GPC6: variants seen among roughly 807,000 people sequenced by gnomAD.
The protein encoded by GPC6 is glypican-6.
In GPC6, 14 loss-of-function variants were observed where a neutral mutation model predicts 55.2. The observed-to-expected ratio is 0.25, with a 90% CI of 0.17 to 0.40. The LOEUF (loss-of-function observed/expected upper bound fraction) is 0.40. Among genes scored for constraint, GPC6 ranks in the 10% least tolerant of loss-of-function variants. The pLI, the probability that GPC6 is intolerant of heterozygous loss-of-function variation, is 1.00. For missense variants in GPC6, 641 were observed against 708.5 expected (o/e 0.90, Z 1.08); for synonymous variants, 278 against 259.6 (o/e 1.07, Z -0.68).
At chr13:94,347,328 C>T (rs969308150) in intron 6 of GPC6, among the ~76,000 whole-genome samples, 1 of 152,180 alleles carries the variant, frequency 6.6e-6, no homozygotes, top group African/African-American at 2.4e-5. Flanking sequence ...TCCAAAACCT[C>T]TGCAACTTCT....
intron 4 of GPC6, among the ~76,000 whole-genome samples, chr13:94,050,409 C>G (rs1883901237): frequency 6.6e-6 from 1 of 152,112 alleles, no homozygotes; most frequent in Non-Finnish European, 1.5e-5. Flanking sequence ...TCGTGCTTCC[C>G]ATGATACTAA....
intron 2 of GPC6, among the ~76,000 whole-genome samples, chr13:93,685,620 G>A (rs1003738205): frequency 1.3e-5 from 2 of 151,976 alleles, no homozygotes; most frequent in African/African-American, 4.8e-5. Context: ...AAATGTGGGT[G>A]GTCTTATGCC....
intron 1 of GPC6, among the ~76,000 whole-genome samples, chr13:93,487,125 T>A: frequency 6.6e-6 from 1 of 152,202 alleles, no homozygotes; most frequent in East Asian, 1.9e-4. Context: ...CCATTCTAAC[T>A]AGTGTTAAAT....
At chr13:94,231,787 A>G (rs1257511211) in intron 4 of GPC6, among the ~76,000 whole-genome samples, 1 of 152,198 alleles carries the variant, frequency 6.6e-6, no homozygotes, top group Non-Finnish European at 1.5e-5. Context: ...TTTATTTAAT[A>G]AAATAAAATA....
intron 1 of GPC6, among the ~76,000 whole-genome samples, chr13:93,365,489 C>T (rs1238427631): frequency 6.6e-6 from 1 of 152,008 alleles, no homozygotes; most frequent in African/African-American, 2.4e-5. Context: ...CATTCTTTTC[C>T]AACCTGCTTG....
At chr13:93,721,164 G>A (rs542184008) in intron 2 of GPC6, among the ~76,000 whole-genome samples, 1 of 152,074 alleles carries the variant, frequency 6.6e-6, no homozygotes, top group African/African-American at 2.4e-5. Context: ...ACAGTGGGTT[G>A]TTAAAGTATC....
rs146306368 is a variant in GPC6 at position 94,064,419 on chromosome 13, G to A, written c.877+36525G>A. On this transcript the variant is annotated intron_variant, in intron 4 of 8. Coordinates refer to ENST00000377047, the MANE Select transcript of GPC6 (RefSeq NM_005708.5). Reference sequence around the variant, plus strand: ...CCCTCCCATCTGGGATACCAGCTCCGTAGCTCGAATGGGGTGCAGCATGGG... The same window carrying A: ...CCCTCCCATCTGGGATACCAGCTCCATAGCTCGAATGGGGTGCAGCATGGG... 1.6e-3 allele frequency among the ~76,000 whole-genome samples: 246 copies of A among 152,196 alleles called. 1 individual carries two copies. Among genetic ancestry groups the A allele is most frequent in the African/African-American group, 5.8e-3 (240 of 41,522 alleles).
intron 1 of GPC6, among the ~76,000 whole-genome samples, chr13:93,422,977 G>A (rs183406182): frequency 1.3e-5 from 2 of 152,226 alleles, no homozygotes; most frequent in Non-Finnish European, 1.5e-5. Context: ...AATGTTGGTT[G>A]CTTAGGATGC....
chr13:93,657,684 A>G (rs558536872), intron 2 of GPC6, among the ~76,000 whole-genome samples: 41 of 152,240 alleles, frequency 2.7e-4, no homozygotes, highest in African/African-American at 9.1e-4. Context: ...ATAGAAGAAA[A>G]TATTTGCACA....
At chr13:93,963,145 C>A (rs975691263) in intron 3 of GPC6, among the ~76,000 whole-genome samples, 4 of 151,874 alleles carry the variant, frequency 2.6e-5, no homozygotes, top group Non-Finnish European at 2.9e-5. Context: ...TAGATTTGTT[C>A]CCAATCCTCT....
At chr13:93,432,175 T>G (rs959252763) in intron 1 of GPC6, among the ~76,000 whole-genome samples, 3 of 152,168 alleles carry the variant, frequency 2.0e-5, no homozygotes, top group African/African-American at 7.2e-5. Flanking sequence ...CAAGCTGTCA[T>G]AAAGACAAAT....
chr13:93,284,297 T>A (rs1230166666), intron 1 of GPC6, among the ~76,000 whole-genome samples: 1 of 152,200 alleles, frequency 6.6e-6, no homozygotes, highest in African/African-American at 2.4e-5. Context: ...TAAGCCAGCC[T>A]CAAATCATGT....
chr13:94,304,726 C>T (rs561605951), intron 5 of GPC6, among the ~76,000 whole-genome samples: 1 of 152,332 alleles, frequency 6.6e-6, no homozygotes, highest in South Asian at 2.1e-4. Context: ...GTCTCCACAC[C>T]ACCCTGAGTG....
chr13:93,707,787 A>AT (rs1248006947), intron 2 of GPC6, among the ~76,000 whole-genome samples: 4 of 151,922 alleles, frequency 2.6e-5, no homozygotes, highest in South Asian at 2.1e-4. Flanking sequence ...ACTAAATGAT[A>AT]TTTTTTTCTT....
intron 2 of GPC6, among the ~76,000 whole-genome samples, chr13:93,743,707 CCTTT>C (rs1594419130): frequency 6.6e-6 from 1 of 151,890 alleles, no homozygotes; most frequent in Admixed American, 6.6e-5. Flanking sequence ...CTTTTATTTT[CCTTT>C]CTAACAGATC....
intron 4 of GPC6, among the ~76,000 whole-genome samples, chr13:94,057,789 G>A (rs990289525): frequency 6.6e-6 from 1 of 152,120 alleles, no homozygotes; most frequent in African/African-American, 2.4e-5. Flanking sequence ...TTCTAAGAGA[G>A]CACATGGTCT....
chr13:94,354,897 A>G (rs1331578100), intron 6 of GPC6, among the ~76,000 whole-genome samples: 1 of 152,198 alleles, frequency 6.6e-6, no homozygotes, highest in Admixed American at 6.5e-5. Context: ...GAAGACAAGG[A>G]TGGAAGTGGA....
intron 3 of GPC6, among the ~76,000 whole-genome samples, chr13:94,024,102 G>GACACACACACACAC (rs140178004): frequency 1.0e-4 from 15 of 144,190 alleles, no homozygotes; most frequent in Admixed American, 3.5e-4. Context: ...ACTGTGTATA[G>GACACACACACACAC]ACACACACAC....
chr13:93,418,928 C>T (rs1876818363), intron 1 of GPC6, among the ~76,000 whole-genome samples: 1 of 150,932 alleles, frequency 6.6e-6, no homozygotes, highest in South Asian at 2.1e-4. Flanking sequence ...ATTAATAGCA[C>T]TATACCATAG....
Sources: allele counts gnomAD v4.1 joint callset (sites outside exome capture counted in the v4.1 genomes callset), GRCh38; gene constraint gnomAD v4.1.1; transcripts MANE v1.5; gene names NCBI Gene and HGNC (gene_info 2026-07-23, HGNC 2026-07-21).